SENP7: variants seen among roughly 807,000 people sequenced by gnomAD.
SENP7 encodes SUMO specific peptidase 7.
Under a neutral mutation model 141.2 loss-of-function variants are expected in SENP7, and 64 were observed. The observed-to-expected ratio is 0.45, with a 90% CI of 0.37 to 0.56. The LOEUF (loss-of-function observed/expected upper bound fraction) is 0.56, where lower values mean the gene tolerates loss of function less well. Ranked by LOEUF, SENP7 falls within the 20% of genes least tolerant of loss-of-function variation. The pLI is 0.00. For missense variants in SENP7, 1,025 were observed against 1,212.2 expected (o/e 0.85, Z 2.29); for synonymous variants, 382 against 426.4 (o/e 0.90, Z 1.28).
At chr3:101,388,733 A>G (rs971239795) in intron 6 of SENP7, among the ~76,000 whole-genome samples, 3 of 152,112 alleles carry the variant, frequency 2.0e-5, no homozygotes, top group African/African-American at 7.2e-5. Context: ...ACAAATAAAT[A>G]ATATGAAGAA....
chr3:101,504,480 T>G (rs2065513480), intron 1 of SENP7, among the ~76,000 whole-genome samples: 2 of 151,864 alleles, frequency 1.3e-5, no homozygotes, highest in African/African-American at 4.8e-5. Context: ...AAAAATTATT[T>G]TCACCTCTAC....
At chr3:101,357,771 G>A in intron 11 of SENP7, 3 of 626,084 alleles carry the variant, frequency 4.8e-6, no homozygotes, top group Non-Finnish European at 8.9e-6. Flanking sequence ...TAAATGTAAA[G>A]AATGAGGCAA....
intron 4 of SENP7, among the ~76,000 whole-genome samples, chr3:101,456,941 TTTTTGTTTTGTTTTGTTTTG>T (rs57842838): frequency 0.044 from 6,650 of 150,330 alleles, 202 homozygotes; most frequent in South Asian, 0.097. Flanking sequence ...TGATATAAGC[TTTTTGTTTTGTTTTGTTTTG>T]TTTTGTTTTG....
intron 4 of SENP7, among the ~76,000 whole-genome samples, chr3:101,446,581 T>C (rs74575554): frequency 1.6e-3 from 241 of 152,230 alleles, no homozygotes; most frequent in African/African-American, 5.6e-3. Flanking sequence ...TGAGACCACA[T>C]TGGAATACAA....
intron 11 of SENP7, among the ~76,000 whole-genome samples, chr3:101,356,355 C>T (rs916825703): frequency 1.3e-5 from 2 of 152,066 alleles, no homozygotes; most frequent in African/African-American, 4.8e-5. Context: ...TGATCATATG[C>T]TTTCCCATGT....
chr3:101,384,681 G>A (rs893517498), intron 6 of SENP7, among the ~76,000 whole-genome samples: 6 of 152,202 alleles, frequency 3.9e-5, no homozygotes, highest in African/African-American at 7.2e-5. Context: ...CTGGCTCGCC[G>A]TTGGCAGGTA....
intron 3 of SENP7, among the ~76,000 whole-genome samples, chr3:101,470,393 A>T (rs2063939118): frequency 6.6e-6 from 1 of 152,228 alleles, no homozygotes; most frequent in South Asian, 2.1e-4. Flanking sequence ...AACAGAAACA[A>T]TGACAAAAAC....
intron 3 of SENP7, among the ~76,000 whole-genome samples, chr3:101,482,004 T>C (rs1348169727): frequency 1.3e-5 from 2 of 152,096 alleles, no homozygotes; most frequent in African/African-American, 2.4e-5. Flanking sequence ...ATCGTTTACA[T>C]TAGCACATAA....
intron 3 of SENP7, among the ~76,000 whole-genome samples, chr3:101,463,509 C>G (rs531430566): frequency 4.6e-5 from 7 of 150,628 alleles, no homozygotes; most frequent in Admixed American, 4.6e-4. Context: ...CTCTGCTTCT[C>G]CCACTGAGTG....
chr3:101,378,766 C>A (rs1559742588), intron 6 of SENP7, among the ~76,000 whole-genome samples: 2 of 151,528 alleles, frequency 1.3e-5, no homozygotes, highest in African/African-American at 4.9e-5. Flanking sequence ...TATTAAACTG[C>A]AAAAAAATCA....
At chr3:101,447,294 T>C (rs1444017069) in intron 4 of SENP7, among the ~76,000 whole-genome samples, 3 of 151,902 alleles carry the variant, frequency 2.0e-5, no homozygotes, top group Admixed American at 6.6e-5. Flanking sequence ...ATTCAAAAAA[T>C]TGGCCAAGCG....
At chr3:101,397,552 T>C (rs934593669) in intron 6 of SENP7, among the ~76,000 whole-genome samples, 4 of 152,180 alleles carry the variant, frequency 2.6e-5, no homozygotes, top group African/African-American at 9.7e-5. Context: ...AGAGACCTAA[T>C]AAAATATAAA....
At chr3:101,480,975 A>C (rs1412996846) in intron 3 of SENP7, among the ~76,000 whole-genome samples, 1 of 151,756 alleles carries the variant, frequency 6.6e-6, no homozygotes, top group Non-Finnish European at 1.5e-5. Context: ...AAAAAAAAAA[A>C]CAGATGCTGG....
chr3:101,386,456 C>T (rs2060653398), intron 6 of SENP7, among the ~76,000 whole-genome samples: 1 of 152,170 alleles, frequency 6.6e-6, no homozygotes, highest in Non-Finnish European at 1.5e-5. Context: ...CCACACATCC[C>T]CTGAGACTCA....
intron 11 of SENP7, chr3:101,359,381 A>G (rs1184971176): frequency 1.3e-5 from 2 of 149,384 alleles, no homozygotes; most frequent in Admixed American, 1.3e-4. Context: ...AAATTTATAT[A>G]TAATATATAT....
At chr3:101,409,459 C>A (rs1559783270) in intron 5 of SENP7, among the ~76,000 whole-genome samples, 2 of 152,004 alleles carry the variant, frequency 1.3e-5, no homozygotes, top group African/African-American at 2.4e-5. Flanking sequence ...CAAATGAAAT[C>A]AAAAAAGTGC....
intron 5 of SENP7, among the ~76,000 whole-genome samples, chr3:101,406,379 A>G (rs1359614183): frequency 1.3e-5 from 2 of 152,076 alleles, no homozygotes; most frequent in Non-Finnish European, 2.9e-5. Flanking sequence ...TGGGAATTGA[A>G]CAATGAGAAC....
chr3:101,464,042 T>C (rs1395178174), intron 3 of SENP7, among the ~76,000 whole-genome samples: 1 of 151,886 alleles, frequency 6.6e-6, no homozygotes, highest in Non-Finnish European at 1.5e-5. Flanking sequence ...GCCAGGCTGG[T>C]CTCCAACTCA....
chr3:101,331,888 G>T, intron 19 of SENP7, 97 bp downstream of exon 19: 1 of 1,213,944 alleles, frequency 8.2e-7, no homozygotes, highest in Non-Finnish European at 1.2e-6. Context: ...TTTAATGATA[G>T]TAAATAACTA....
Sources: allele counts gnomAD v4.1 joint callset (sites outside exome capture counted in the v4.1 genomes callset), GRCh38; gene constraint gnomAD v4.1.1; transcripts MANE v1.5; gene names NCBI Gene and HGNC (gene_info 2026-07-23, HGNC 2026-07-21).